TGFA: variants seen among roughly 807,000 people sequenced by gnomAD.
The protein encoded by TGFA is transforming growth factor alpha, also known as protransforming growth factor alpha.
Under a neutral mutation model 21.7 loss-of-function variants are expected in TGFA, and 12 were observed. The ratio of observed to expected loss-of-function variants is 0.55; its 90% CI spans 0.35 to 0.90. The LOEUF (loss-of-function observed/expected upper bound fraction) is 0.90, where lower values mean the gene tolerates loss of function less well. Ranked by LOEUF, TGFA falls within the 40% of genes least tolerant of loss-of-function variation. TGFA has a pLI of 0.01. For synonymous variants in TGFA, 79 were observed against 88.1 expected (o/e 0.90, Z 0.58); for missense variants, 178 against 210.8 (o/e 0.84, Z 0.96).
At chr2:70,451,828 C>T (rs1670069557) in intron 5 of TGFA, 1 of 675,048 alleles carries the variant, frequency 1.5e-6, no homozygotes, top group Admixed American at 2.5e-5. Flanking sequence ...CACTGATTCC[C>T]AGTGGGACCC....
At chr2:70,500,384 A>G (rs1671701112) in intron 2 of TGFA, among the ~76,000 whole-genome samples, 1 of 152,220 alleles carries the variant, frequency 6.6e-6, no homozygotes, top group Non-Finnish European at 1.5e-5. Flanking sequence ...TGGTATCATC[A>G]AAGCTCTCTC....
chr2:70,515,982 T>C (rs1672264032), intron 1 of TGFA, among the ~76,000 whole-genome samples: 1 of 152,246 alleles, frequency 6.6e-6, no homozygotes, highest in East Asian at 1.9e-4. Flanking sequence ...CATGGGGTCC[T>C]GTGTGACCTA....
At chr2:70,486,527 G>C (rs3915037) in intron 2 of TGFA, among the ~76,000 whole-genome samples, 43,672 of 152,032 alleles carry the variant, frequency 0.29, 7,080 homozygotes, top group East Asian at 0.4. Context: ...GTTCAGGCTG[G>C]AGTGCAGTGA....
At chr2:70,450,895 C>A (rs781811486) in intron 5 of TGFA, 29 bp from the exon 6 acceptor site, 23 of 1,602,888 alleles carry the variant, frequency 1.4e-5, no homozygotes, top group Non-Finnish European at 1.9e-5. Flanking sequence ...AGGTTAAGCA[C>A]TGTGGGCCAC....
rs571451723 is a variant in TGFA, at chr2:70,519,690, G to A, written c.41-4778C>T. ...AGAAAAATCTCGGGAAATACTTCAT[G>A]ATTATGACATCACAGGAAATGATCC... On this transcript the variant is annotated intron_variant, in intron 1 of 5. Transcript: ENST00000295400. 4.6e-5 allele frequency among the ~76,000 whole-genome samples: 7 copies of A among 152,344 alleles called. 1 individual carries two copies. The East Asian group carries it at 5.8e-4, about 13-fold the overall frequency.
chr2:70,522,870 G>A (rs1672515874), intron 1 of TGFA, among the ~76,000 whole-genome samples: 1 of 152,170 alleles, frequency 6.6e-6, no homozygotes, highest in South Asian at 2.1e-4. Context: ...CCATTAGCGG[G>A]ACATTGTCTA....
chr2:70,468,931 A>G (rs1670654273), intron 2 of TGFA, among the ~76,000 whole-genome samples: 1 of 152,224 alleles, frequency 6.6e-6, no homozygotes, highest in Admixed American at 6.5e-5. Context: ...ACCTCTCCCA[A>G]GTCTGTGGAA....
chr2:70,499,753 T>C (rs1553498857), intron 2 of TGFA, among the ~76,000 whole-genome samples: 1 of 152,150 alleles, frequency 6.6e-6, no homozygotes, highest in Non-Finnish European at 1.5e-5. Flanking sequence ...TACAGGGACA[T>C]GAGAAAGCAC....
chr2:70,552,441 TA>T (rs1191782443), intron 1 of TGFA, among the ~76,000 whole-genome samples: 12 of 152,236 alleles, frequency 7.9e-5, no homozygotes, highest in Admixed American at 5.9e-4. Flanking sequence ...TTCTAAAATT[TA>T]AATCAGAGCA....
At chr2:70,521,609 G>GTTGGTTTTTTTTTTTT (rs1432347684) in intron 1 of TGFA, among the ~76,000 whole-genome samples, 4 of 78,894 alleles carry the variant, frequency 5.1e-5, no homozygotes, top group Admixed American at 1.8e-4. Flanking sequence ...TTTTGTTGTT[G>GTTGGTTTTTTTTTTTT]TTTGTTTGTT....
intron 2 of TGFA, among the ~76,000 whole-genome samples, chr2:70,500,505 T>C (rs2103811310): frequency 6.6e-6 from 1 of 152,304 alleles, no homozygotes; most frequent in South Asian, 2.1e-4. Context: ...AAATGTACTT[T>C]TGGAGAATTC....
intron 3 of TGFA, among the ~76,000 whole-genome samples, chr2:70,463,263 C>A (rs1180831431): frequency 6.6e-6 from 1 of 152,058 alleles, no homozygotes; most frequent in African/African-American, 2.4e-5. Context: ...ACCATGCCTG[C>A]CATGAACTAA....
intron 2 of TGFA, among the ~76,000 whole-genome samples, chr2:70,480,033 A>G (rs1671064308): frequency 6.6e-6 from 1 of 151,800 alleles, no homozygotes; most frequent in South Asian, 2.1e-4. Flanking sequence ...GGGCTTCAAC[A>G]GAGACAATGG....
intron 2 of TGFA, among the ~76,000 whole-genome samples, chr2:70,473,813 T>G (rs953790743): frequency 7.9e-5 from 12 of 152,032 alleles, no homozygotes; most frequent in Admixed American, 7.9e-4. Context: ...TGCAGTACCA[T>G]CATTTAAGAG....
intron 1 of TGFA, among the ~76,000 whole-genome samples, chr2:70,543,286 G>C (rs1183551524): frequency 6.6e-6 from 1 of 151,972 alleles, no homozygotes; most frequent in African/African-American, 2.4e-5. Context: ...CCAGCACTTT[G>C]GGAGGCTGAG....
intron 2 of TGFA, among the ~76,000 whole-genome samples, chr2:70,512,042 G>A (rs180820394): frequency 1.3e-5 from 2 of 152,140 alleles, no homozygotes; most frequent in East Asian, 1.9e-4. Context: ...GGTGGGATGG[G>A]GTGGGAAGGC....
chr2:70,550,713 A>G (rs1553506688), intron 1 of TGFA, among the ~76,000 whole-genome samples: 1 of 152,144 alleles, frequency 6.6e-6, no homozygotes, highest in African/African-American at 2.4e-5. Context: ...AGTCCCAGCT[A>G]ATCGGGAGGC....
chr2:70,506,651 T>C (rs1418542516), intron 2 of TGFA, among the ~76,000 whole-genome samples: 2 of 152,236 alleles, frequency 1.3e-5, no homozygotes, highest in Non-Finnish European at 2.9e-5. Flanking sequence ...AGCTGCCGTG[T>C]ATACAAACAG....
chr2:70,526,788 G>A (rs574563090), intron 1 of TGFA, among the ~76,000 whole-genome samples: 23 of 152,310 alleles, frequency 1.5e-4, no homozygotes, highest in Middle Eastern at 3.4e-3. Flanking sequence ...GGGAAAAGAG[G>A]AAGTTTTCTG....
Sources: allele counts gnomAD v4.1 joint callset (sites outside exome capture counted in the v4.1 genomes callset), GRCh38; gene constraint gnomAD v4.1.1; transcripts MANE v1.5; gene names NCBI Gene and HGNC (gene_info 2026-07-23, HGNC 2026-07-21).